The following ZPLD1 variants were observed in gnomAD, a reference collection of about 807,000 sequenced individuals.
The protein encoded by ZPLD1 is zona pellucida-like domain-containing protein 1.
Under a neutral mutation model 47.2 loss-of-function variants are expected in ZPLD1, and 34 were observed. That is an observed-to-expected ratio of 0.72 (90% CI 0.55 to 0.96). The LOEUF is 0.96. ZPLD1 is among the 40% of genes least tolerant of loss of function. The probability of loss-of-function intolerance (pLI) is 0.00; values close to 1 mark genes in which losing one functional copy is unlikely to be tolerated. For missense variants in ZPLD1, 512 were observed against 505.8 expected (o/e 1.01, Z -0.12); for synonymous variants, 176 against 186.2 (o/e 0.95, Z 0.45).
intron 3 of ZPLD1, among the ~76,000 whole-genome samples, chr3:102,452,620 C>A (rs1707354931): frequency 1.3e-5 from 2 of 152,078 alleles, no homozygotes; most frequent in Admixed American, 1.3e-4. Context: ...CCACTCAATT[C>A]TCTGGTCATT....
chr3:102,454,557 C>T (rs1435887074), intron 4 of ZPLD1, among the ~76,000 whole-genome samples: 1 of 152,202 alleles, frequency 6.6e-6, no homozygotes, highest in East Asian at 1.9e-4. Flanking sequence ...TGAATAAGTC[C>T]GCTATAAAAA....
At chr3:102,454,239 G>T (rs182526535) in intron 4 of ZPLD1, among the ~76,000 whole-genome samples, 11 of 152,286 alleles carry the variant, frequency 7.2e-5, no homozygotes, top group Admixed American at 6.5e-4. Flanking sequence ...TTCCAAGCCT[G>T]CAGCTTGAGT....
rs1707441712 is a variant in ZPLD1 at position 102,457,804 on chromosome 3, G to C, written c.533G>C (p.Arg178Thr). 1 of 1,613,790 alleles carries C rather than the reference G, an allele frequency of 6.2e-7. No homozygotes were observed. Among genetic ancestry groups the C allele is most frequent in the African/African-American group, 1.3e-5 (1 of 74,892 alleles). Residue 178 changes from arginine to threonine, a missense_variant, in exon 6 of 12, where the codon AGA becomes ACA. Arg to Thr is a moderately conservative substitution (Grantham distance 71). Transcript: ENST00000466937. Reference protein sequence around the residue: ...LASSSAAISVRENNGTFVSTL... With the variant: ...LASSSAAISVTENNGTFVSTL... ...AGGTCCTCAGCGGCTATTTCTGTGA[G>C]AGAGAACAATGGCACATTTGTCAGC...
At chr3:102,470,332 T>C (rs908322703) in intron 9 of ZPLD1, 62 bp from the exon 10 acceptor site, 9 of 1,271,520 alleles carry the variant, frequency 7.1e-6, no homozygotes, top group African/African-American at 1.5e-5. Context: ...GCTTTCCAAA[T>C]GGCCATAAAG....
intron 6 of ZPLD1, among the ~76,000 whole-genome samples, chr3:102,390,498 C>T (rs898967239): frequency 6.6e-6 from 1 of 152,198 alleles, no homozygotes; most frequent in African/African-American, 2.4e-5. Context: ...CTGGCTTACT[C>T]AGGTATTTAG....
At chr3:102,385,958 C>T (rs183853187) in intron 6 of ZPLD1, among the ~76,000 whole-genome samples, 180 of 152,320 alleles carry the variant, frequency 1.2e-3, no homozygotes, top group Non-Finnish European at 2.2e-3. Context: ...ATGTCAACTT[C>T]AACCTCTCTG....
intron 3 of ZPLD1, among the ~76,000 whole-genome samples, chr3:102,450,695 T>G (rs990255959): frequency 2.6e-5 from 4 of 152,054 alleles, no homozygotes; most frequent in African/African-American, 4.8e-5. Flanking sequence ...ACATTAAGAC[T>G]GGAAATAAAG....
At chr3:102,401,271 G>A (rs963398924) in intron 7 of ZPLD1, among the ~76,000 whole-genome samples, 1 of 152,004 alleles carries the variant, frequency 6.6e-6, no homozygotes, top group Non-Finnish European at 1.5e-5. Context: ...GTGTTTATGT[G>A]CATTGTGTGC....
intron 8 of ZPLD1, among the ~76,000 whole-genome samples, chr3:102,419,203 T>G (rs754974927): frequency 6.6e-6 from 1 of 152,000 alleles, no homozygotes. Context: ...TTTATCTTAA[T>G]ACATAATTGA....
At chr3:102,435,629 T>C (rs1020976052) in intron 1 of ZPLD1, among the ~76,000 whole-genome samples, 5 of 149,050 alleles carry the variant, frequency 3.4e-5, no homozygotes, top group Admixed American at 2.7e-4. Context: ...TCTATGATCA[T>C]CATCTTGATT....
chr3:102,459,825 A>G (rs1272548587), intron 6 of ZPLD1, among the ~76,000 whole-genome samples: 10 of 152,150 alleles, frequency 6.6e-5, no homozygotes, highest in Admixed American at 6.5e-4. Flanking sequence ...GTTACAATTA[A>G]TAAACCAATA....
chr3:102,426,216 C>T (rs1706945789), intron 8 of ZPLD1, among the ~76,000 whole-genome samples: 1 of 151,870 alleles, frequency 6.6e-6, no homozygotes, highest in African/African-American at 2.4e-5. Context: ...AATACTGCCA[C>T]TACTTAAAAG....
At chr3:102,443,323 C>T (rs946191203) in intron 3 of ZPLD1, among the ~76,000 whole-genome samples, 4 of 152,136 alleles carry the variant, frequency 2.6e-5, no homozygotes, top group African/African-American at 9.7e-5. Context: ...GTACCAGGCA[C>T]CTCACAGAAT....
chr3:102,413,525 G>T (rs1706769638), intron 7 of ZPLD1, among the ~76,000 whole-genome samples: 1 of 151,718 alleles, frequency 6.6e-6, no homozygotes, highest in Non-Finnish European at 1.5e-5. Flanking sequence ...GTTAGACAAT[G>T]ACTATCCTGA....
intron 7 of ZPLD1, among the ~76,000 whole-genome samples, chr3:102,416,164 A>T (rs1706802147): frequency 6.6e-6 from 1 of 151,910 alleles, no homozygotes; most frequent in Admixed American, 6.6e-5. Context: ...ATTTTGTGGG[A>T]TGTATGACAT....
chr3:102,462,455 A>G, intron 7 of ZPLD1, 77 bp downstream of exon 7: 1 of 935,234 alleles, frequency 1.1e-6, no homozygotes, highest in East Asian at 2.6e-5. Flanking sequence ...AAGTTGGGCC[A>G]TTCATTTTTA....
At chr3:102,469,741 C>T (rs560573331) in intron 9 of ZPLD1, among the ~76,000 whole-genome samples, 4 of 151,930 alleles carry the variant, frequency 2.6e-5, no homozygotes, top group Non-Finnish European at 5.9e-5. Context: ...GCCAGATGGT[C>T]GGGAAATCAC....
Position 102,477,675 on chromosome 3 carries a change from G to A in ZPLD1, c.*57G>A, listed in dbSNP as rs544146039. On this transcript the variant is annotated 3_prime_UTR_variant, in exon 12 of 12. Coordinates refer to ENST00000466937, the MANE Select transcript of ZPLD1 (RefSeq NM_001329788.2). ...TTCACTGACTAAACTATGTGTGACT[G>A]CAGTCAGTGTTCCGTCTGAATTTCA... 1.8e-5 allele frequency: 26 copies of A among 1,452,128 alleles called. No individual in the cohort carries two copies. The South Asian group carries it at 3.4e-4, about 19-fold the overall frequency. 90.0% of individuals were successfully genotyped at this position (1,452,128 alleles called of 1,614,324 possible). A position where few individuals can be genotyped will look rare whatever the true frequency, so the allele number is the denominator to read the frequency against.
chr3:102,450,026 T>C (rs1707312891), intron 3 of ZPLD1, among the ~76,000 whole-genome samples: 1 of 152,138 alleles, frequency 6.6e-6, no homozygotes, highest in Non-Finnish European at 1.5e-5. Flanking sequence ...AATATACAAA[T>C]ACATATATGA....
Sources: gnomAD v4.1 joint callset for allele counts (sites outside exome capture counted in the v4.1 genomes callset) on GRCh38, gnomAD v4.1.1 for gene constraint, MANE v1.5 for transcripts, NCBI Gene and HGNC (gene_info 2026-07-23, HGNC 2026-07-21) for gene names.